PCDHA2: variants seen among roughly 807,000 people sequenced by gnomAD.
PCDHA2 encodes the protein protocadherin alpha 2, also known as protocadherin alpha-2.
A neutral mutation model predicts 66.0 loss-of-function variants in PCDHA2; 58 were observed. The ratio of observed to expected loss-of-function variants is 0.88; its 90% CI spans 0.71 to 1.09. PCDHA2 has a LOEUF of 1.09. Among genes scored for constraint, PCDHA2 ranks in the 50% least tolerant of loss-of-function variants. The probability of loss-of-function intolerance (pLI) is 0.00; values close to 1 mark genes in which losing one functional copy is unlikely to be tolerated. For synonymous variants in PCDHA2, 634 were observed against 554.0 expected (o/e 1.14, Z -2.03); for missense variants, 1,267 against 1,242.3 (o/e 1.02, Z -0.30).
At position 140,950,714 on chromosome 5, in the gene PCDHA2, TA is replaced by T. The variant is rs554168605; in HGVS notation, c.2389-28234del. On this transcript the variant is annotated intron_variant, in intron 1 of 3. Coordinates refer to ENST00000526136, the MANE Select transcript of PCDHA2 (RefSeq NM_018905.3). ...AAATTTGACAAATTTTTGTTCCTTA[TA>T]TCCTTAAATTTTTTAATCCTAATTT... Among the ~76,000 whole-genome samples the T allele has an allele frequency of 2.0e-3, 304 of 152,244 alleles. 4 individuals are homozygous for T. The highest frequency in any genetic ancestry group is 6.6e-3 in the African/African-American group (275 of 41,574).
Position 140,877,369 on chromosome 5 carries a change from A to C in PCDHA2, c.2388+80017A>C, listed in dbSNP as rs201135340. 6.4e-5 allele frequency: 103 copies of C among 1,614,000 alleles called. No homozygotes were observed. The African/African-American group carries it at 1.3e-3, about 20-fold the overall frequency. ...GGGGCTGTACACTGGCGAGATCAGC[A>C]CGACACGCATCCTGGATGAGGCGGA... On this transcript the variant is annotated intron_variant, in intron 1 of 3. Transcript: ENST00000526136.
chr5:140,814,753 T>C (rs1765582163), intron 1 of PCDHA2: 1 of 152,232 alleles, frequency 6.6e-6, no homozygotes, highest in East Asian at 1.9e-4. Context: ...ATGGGACTAC[T>C]CTTGTACATG....
Position 140,913,960 on chromosome 5 carries a change from T to TA in PCDHA2, c.2389-64982dup, listed in dbSNP as rs201352444. 7.9e-3 allele frequency among the ~76,000 whole-genome samples: 1,207 copies of TA among 152,282 alleles called. 5 individuals are homozygous for TA. Among genetic ancestry groups the TA allele is most frequent in the African/African-American group, 0.019 (780 of 41,560 alleles). ...AAGAATCTTGATATGATATCATTTT[T>TA]AAAAAAATATTTTAGGACTTGTATT... On this transcript the variant is annotated intron_variant, in intron 1 of 3. Transcript: ENST00000526136.
chr5:140,818,472 A>T (rs1030442669), intron 1 of PCDHA2, among the ~76,000 whole-genome samples: 3 of 152,188 alleles, frequency 2.0e-5, no homozygotes, highest in African/African-American at 7.2e-5. Flanking sequence ...TCCTCCCACA[A>T]AGTTTTCACT....
chr5:140,877,206 C>T (rs782807049), intron 1 of PCDHA2: 3 of 1,613,650 alleles, frequency 1.9e-6, no homozygotes, highest in African/African-American at 2.7e-5. Flanking sequence ...GCGCAGTTAG[C>T]GAGTTGGTAC....
chr5:140,992,470 G>T (rs1027762445), intron 3 of PCDHA2, among the ~76,000 whole-genome samples: 2 of 152,192 alleles, frequency 1.3e-5, no homozygotes, highest in African/African-American at 4.8e-5. Context: ...GTACTCTTTA[G>T]ATCACCCAGA....
chr5:140,826,761 T>G (rs1014427871), intron 1 of PCDHA2, among the ~76,000 whole-genome samples: 16 of 152,150 alleles, frequency 1.1e-4, no homozygotes, highest in Admixed American at 5.9e-4. Context: ...AGATTCATAT[T>G]GGAGAGTAAT....
intron 1 of PCDHA2, chr5:140,967,338 A>G: frequency 3.7e-6 from 6 of 1,607,948 alleles, no homozygotes; most frequent in Non-Finnish European, 4.3e-6. Flanking sequence ...AGCCCCAGCG[A>G]GCACTTCGAG....
At chr5:140,835,478 A>G (rs2150236474) in intron 1 of PCDHA2, 1 of 1,613,898 alleles carries the variant, frequency 6.2e-7, no homozygotes. Context: ...ACGCCCAACC[A>G]GGTACCGTCA....
intron 1 of PCDHA2, chr5:140,801,127 A>T: frequency 6.6e-7 from 1 of 1,520,548 alleles, no homozygotes; most frequent in Non-Finnish European, 8.8e-7. Flanking sequence ...AGAAATGAAG[A>T]TAAGGAACTC....
At position 141,009,699 on chromosome 5, in the gene PCDHA2, G is replaced by A. The variant is rs1554262287; in HGVS notation, c.2609G>A (p.Gly870Glu). Residue 870 changes from glycine to glutamate, a missense_variant, in exon 4 of 4, where the codon GGA becomes GAA. Gly to Glu is a moderately conservative substitution (Grantham distance 98, BLOSUM62 -2). Transcript: ENST00000526136. ...AGCAACAGCTGGACCTTTAAATACG[G>A]ACCAGGCAACCCCAAACAATCCGGT... Reference protein sequence around the residue: ...VNSNSWTFKYGPGNPKQSGPG... With the variant: ...VNSNSWTFKYEPGNPKQSGPG... 1 of 1,614,030 alleles carries A rather than the reference G, an allele frequency of 6.2e-7. No individual in the cohort carries two copies. The highest frequency in any genetic ancestry group is 8.5e-7 in the Non-Finnish European group (1 of 1,180,010).
Position 140,828,948 on chromosome 5 carries a change from C to T in PCDHA2, c.2388+31596C>T, listed in dbSNP as rs2150161275. The T allele has an allele frequency of 2.9e-4, 471 of 1,614,172 alleles. 5 individuals carry two copies. The South Asian group carries it at 4.8e-3, about 17-fold the overall frequency. Reference sequence around the variant, plus strand: ...TCATATTCTTTTAATAGCCTTGTTGCAGCCATGGTTATTGACCACTTTAGC... The same window carrying T: ...TCATATTCTTTTAATAGCCTTGTTGTAGCCATGGTTATTGACCACTTTAGC... On this transcript the variant is annotated intron_variant, in intron 1 of 3. Coordinates refer to ENST00000526136, the MANE Select transcript of PCDHA2 (RefSeq NM_018905.3).
At chr5:140,861,384 C>A in intron 1 of PCDHA2, 1 of 437,328 alleles carries the variant, frequency 2.3e-6, no homozygotes, top group Non-Finnish European at 4.7e-6. Flanking sequence ...TGCGCAGGAC[C>A]TGGGTCTGGA....
At chr5:140,851,968 C>T (rs1409588887) in intron 1 of PCDHA2, 1 of 976,644 alleles carries the variant, frequency 1.0e-6, no homozygotes, top group Admixed American at 6.3e-5. Flanking sequence ...GTTTTCCACA[C>T]TCTACCTTTA....
intron 1 of PCDHA2, among the ~76,000 whole-genome samples, chr5:140,898,104 A>G (rs1220718510): frequency 2.0e-5 from 3 of 152,110 alleles, no homozygotes; most frequent in Middle Eastern, 3.4e-3. Flanking sequence ...TTGTCAGATG[A>G]GTAGGTTGCG....
intron 1 of PCDHA2, chr5:140,881,384 G>T (rs1299609025): frequency 2.0e-6 from 2 of 984,186 alleles, no homozygotes; most frequent in Non-Finnish European, 2.4e-6. Flanking sequence ...GCCGGCGGCG[G>T]TAAGTTAAAT....
rs2042023727 is a variant in PCDHA2, at chr5:140,851,309, G to T, written c.2388+53957G>T. ...ACCCAAGCAAAAATATATAGCAATT[G>T]TTACCTTGTTAAGTTTGTAGTTCTC... On this transcript the variant is annotated intron_variant, in intron 1 of 3. Coordinates refer to ENST00000526136, the MANE Select transcript of PCDHA2 (RefSeq NM_018905.3). 5.0e-6 allele frequency: 5 copies of T among 1,000,390 alleles called. 1 individual carries two copies. Among genetic ancestry groups the T allele is most frequent in the Admixed American group, 5.3e-5 (1 of 18,698 alleles). 62.0% of individuals were successfully genotyped at this position (1,000,390 alleles called of 1,614,324 possible).
intron 1 of PCDHA2, among the ~76,000 whole-genome samples, chr5:140,973,418 T>G (rs1235123458): frequency 6.6e-6 from 1 of 152,212 alleles, no homozygotes; most frequent in East Asian, 1.9e-4. Flanking sequence ...CCACTCCAGT[T>G]TTTCATCCTC....
intron 1 of PCDHA2, chr5:140,835,971 C>A: frequency 1.2e-6 from 2 of 1,613,332 alleles, no homozygotes; most frequent in African/African-American, 1.3e-5. Context: ...GGAGCTGGAG[C>A]TGTTGCAGTT....
Sources: gnomAD v4.1 joint callset for allele counts (sites outside exome capture counted in the v4.1 genomes callset) on GRCh38, gnomAD v4.1.1 for gene constraint, MANE v1.5 for transcripts, NCBI Gene and HGNC (gene_info 2026-07-23, HGNC 2026-07-21) for gene names.